The following ANK2 variants were observed in gnomAD, a reference collection of about 807,000 sequenced individuals.
ANK2 encodes ankyrin-2.
In ANK2, 83 loss-of-function variants were observed where a neutral mutation model predicts 360.5. The observed-to-expected ratio is 0.23, with a 90% CI of 0.19 to 0.28. The LOEUF (loss-of-function observed/expected upper bound fraction) is 0.28, where lower values mean the gene tolerates loss of function less well. Among genes scored for constraint, ANK2 ranks in the 10% least tolerant of loss-of-function variants. The probability of loss-of-function intolerance (pLI) is 1.00; values close to 1 mark genes in which losing one functional copy is unlikely to be tolerated. For missense variants in ANK2, 4,201 were observed against 4,795.7 expected (o/e 0.88, Z 3.66); for synonymous variants, 1,740 against 1,759.5 (o/e 0.99, Z 0.28).
chr4:113,210,991 A>G (rs1283529337), intron 4 of ANK2, among the ~76,000 whole-genome samples: 1 of 152,232 alleles, frequency 6.6e-6, no homozygotes, highest in Non-Finnish European at 1.5e-5. Flanking sequence ...ATTGCACTCA[A>G]ATAAAGAATA....
intron 10 of ANK2, among the ~76,000 whole-genome samples, chr4:113,252,909 C>A (rs953852469): frequency 2.6e-5 from 4 of 152,212 alleles, no homozygotes; most frequent in African/African-American, 9.6e-5. Flanking sequence ...GGTAATGCTG[C>A]CTGACAATCT....
At chr4:112,745,476 G>A in the ANK2 span, among the ~76,000 whole-genome samples, 2 of 148,854 alleles carry the variant, frequency 1.3e-5, no homozygotes, top group Admixed American at 6.7e-5. Context: ...ATTTTTAAAT[G>A]TACAATAATT....
chr4:113,036,130 A>G (rs2061535971), intron 2 of ANK2, among the ~76,000 whole-genome samples: 1 of 151,944 alleles, frequency 6.6e-6, no homozygotes. Flanking sequence ...AAACGAAGAC[A>G]GCTACATTAC....
chr4:112,894,446 C>T (rs963917259), intron 1 of ANK2, among the ~76,000 whole-genome samples: 1 of 151,898 alleles, frequency 6.6e-6, no homozygotes, highest in Admixed American at 6.6e-5. Context: ...AATTTGAAAA[C>T]TTTCAAACTT....
intron 1 of ANK2, among the ~76,000 whole-genome samples, chr4:113,148,447 G>T (rs2096915145): frequency 6.6e-6 from 1 of 152,034 alleles, no homozygotes; most frequent in Non-Finnish European, 1.5e-5. Flanking sequence ...TACTCTCAGA[G>T]ATTTTTATTT....
chr4:113,117,381 G>A (rs2094915158), intron 1 of ANK2: 2 of 456,074 alleles, frequency 4.4e-6, no homozygotes, highest in African/African-American at 2.0e-5. Flanking sequence ...AAAAAACAAC[G>A]GAAAATCCCC....
intron 2 of ANK2, among the ~76,000 whole-genome samples, chr4:112,928,505 T>A (rs1283108191): frequency 1.3e-5 from 2 of 152,154 alleles, no homozygotes; most frequent in African/African-American, 4.8e-5. Context: ...CTGAATTTCG[T>A]ATGTCGAAGT....
intron 2 of ANK2, among the ~76,000 whole-genome samples, chr4:112,911,436 T>A (rs10031906): frequency 8.6e-5 from 13 of 151,782 alleles, no homozygotes; most frequent in African/African-American, 2.9e-4. Context: ...GGCAGGAGAA[T>A]GGCGTGAACC....
rs150135006 is a variant in ANK2, at chr4:112,926,284, G to T, written c.21+21770G>T. ...AAGTTATCAGGCAGATCCTCATGTT[G>T]TTCATTCTCTGAAGAGCAGCTCAGA... On this transcript the variant is annotated intron_variant, in intron 2 of 30. Coordinates refer to the ANK2 transcript ENST00000503271. Among the ~76,000 whole-genome samples, 166 of 152,268 alleles carry T rather than the reference G, an allele frequency of 1.1e-3. 1 individual carries two copies. Among genetic ancestry groups the T allele is most frequent in the African/African-American group, 3.7e-3 (155 of 41,554 alleles).
At chr4:112,721,261 C>T in the ANK2 span, among the ~76,000 whole-genome samples, 616 of 152,150 alleles carry the variant, frequency 4.0e-3, 4 homozygotes, top group African/African-American at 0.014. Context: ...CTGCCCTAGC[C>T]GGGCATGGTA....
At chr4:113,031,078 G>T (rs1278749110) in intron 2 of ANK2, among the ~76,000 whole-genome samples, 1 of 151,970 alleles carries the variant, frequency 6.6e-6, no homozygotes, top group East Asian at 1.9e-4. Context: ...TAAGATTTAA[G>T]ATATTTGCTT....
chr4:112,831,128 T>C (rs1251953303), intron 1 of ANK2, among the ~76,000 whole-genome samples: 1 of 152,166 alleles, frequency 6.6e-6, no homozygotes, highest in Non-Finnish European at 1.5e-5. Flanking sequence ...GACTCCCCAA[T>C]GGGTGCTGCC....
At chr4:112,717,630 A>G in the ANK2 span, among the ~76,000 whole-genome samples, 1 of 152,174 alleles carries the variant, frequency 6.6e-6, no homozygotes, top group African/African-American at 2.4e-5. Flanking sequence ...AAAAATGTTT[A>G]TTTTATGAAT....
intron 37 of ANK2, 108 bp from the exon 38 acceptor site, chr4:113,352,937 C>T (rs778485509): frequency 1.7e-5 from 22 of 1,329,466 alleles, no homozygotes; most frequent in Non-Finnish European, 1.9e-5. Flanking sequence ...GCCCCTCCCA[C>T]CACCACCACC....
chr4:113,037,595 T>C (rs949958161), intron 2 of ANK2, among the ~76,000 whole-genome samples: 1 of 152,026 alleles, frequency 6.6e-6, no homozygotes, highest in Admixed American at 6.6e-5. Flanking sequence ...TAAGTTTTTT[T>C]GTGTAGGACT....
At chr4:112,905,630 T>C (rs991304862) in intron 2 of ANK2, among the ~76,000 whole-genome samples, 2 of 152,214 alleles carry the variant, frequency 1.3e-5, no homozygotes, top group Non-Finnish European at 2.9e-5. Flanking sequence ...GGTAATGAGA[T>C]AACATTAATC....
Position 112,953,966 on chromosome 4 carries a change from A to G in ANK2, c.21+49452A>G, listed in dbSNP as rs139115834. Reference sequence around the variant, plus strand: ...CCCCCCGCCCCCGTCTTTCTTTCTTATAAATGTAAAGGCAGAAAAAAAAGA... The same window carrying G: ...CCCCCCGCCCCCGTCTTTCTTTCTTGTAAATGTAAAGGCAGAAAAAAAAGA... On this transcript the variant is annotated intron_variant, in intron 2 of 30. Coordinates refer to the ANK2 transcript ENST00000503271. Among the ~76,000 whole-genome samples, 288 of 148,268 alleles carry G rather than the reference A, an allele frequency of 1.9e-3. 2 individuals are homozygous for G. Among genetic ancestry groups the G allele is most frequent in the African/African-American group, 6.8e-3 (274 of 40,396 alleles).
chr4:112,924,869 C>T (rs1363132013), intron 2 of ANK2, among the ~76,000 whole-genome samples: 1 of 140,966 alleles, frequency 7.1e-6, no homozygotes, highest in African/African-American at 2.7e-5. Flanking sequence ...GACACAGTCT[C>T]GCTCTGTCGC....
chr4:112,921,202 T>A (rs1192792230), intron 2 of ANK2, among the ~76,000 whole-genome samples: 2 of 151,836 alleles, frequency 1.3e-5, no homozygotes, highest in Non-Finnish European at 2.9e-5. Flanking sequence ...TTTTGTATTT[T>A]TTTGTAGAGA....
Sources: gnomAD v4.1 joint callset for allele counts (sites outside exome capture counted in the v4.1 genomes callset) on GRCh38, gnomAD v4.1.1 for gene constraint, MANE v1.5 for transcripts, NCBI Gene and HGNC (gene_info 2026-07-23, HGNC 2026-07-21) for gene names.